IFIH1: variants seen among roughly 807,000 people sequenced by gnomAD.
The protein encoded by IFIH1 is interferon induced with helicase C domain 1, also known as interferon-induced helicase C domain-containing protein 1.
In IFIH1, 125 loss-of-function variants were observed where a neutral mutation model predicts 107.4. The observed-to-expected ratio is 1.16, with a 90% confidence interval of 1.01 to 1.35. IFIH1 has a LOEUF of 1.35. Among genes scored for constraint, IFIH1 ranks in the 40% most tolerant of loss-of-function variants. IFIH1 has a pLI of 0.00. For synonymous variants in IFIH1, 458 were observed against 413.2 expected (o/e 1.11, Z -1.31); for missense variants, 1,333 against 1,213.7 (o/e 1.10, Z -1.46).
intron 5 of IFIH1, among the ~76,000 whole-genome samples, chr2:162,286,683 G>T (rs181878289): frequency 1.4e-4 from 22 of 152,018 alleles, no homozygotes; most frequent in Admixed American, 9.8e-4. Flanking sequence ...TGCTCAAATG[G>T]TTTCAAAATT....
chr2:162,279,885 G>A lies in IFIH1; in HGVS notation c.1641+111C>T, dbSNP rs1682775071. ...TTAAAAAAAAACCTGAAACTTGTTT[G>A]CTAAAATTTTTAAATAATATTTTTC... On this transcript the variant is annotated intron_variant, in intron 8 of 15. Coordinates refer to ENST00000649979, the MANE Select transcript of IFIH1 (RefSeq NM_022168.4). The A allele has an allele frequency of 1.1e-5, 8 of 705,592 alleles. No homozygotes were observed. The South Asian group carries it at 1.3e-4, about 12-fold the overall frequency. The allele number at this position is 705,592 out of a possible 1,614,324, so 43.7% of individuals were successfully genotyped here. A position where few individuals can be genotyped will look rare whatever the true frequency, so the allele number is the denominator to read the frequency against.
chr2:162,303,994 T>C (rs756445350), intron 3 of IFIH1, among the ~76,000 whole-genome samples: 1 of 152,106 alleles, frequency 6.6e-6, no homozygotes, highest in Non-Finnish European at 1.5e-5. Flanking sequence ...TATTAAAACA[T>C]GAAAACTCCA....
At chr2:162,303,070 G>A (rs995901449) in intron 3 of IFIH1, among the ~76,000 whole-genome samples, 1 of 152,068 alleles carries the variant, frequency 6.6e-6, no homozygotes, top group African/African-American at 2.4e-5. Flanking sequence ...TACTACTGCT[G>A]GGCCGACACC....
intron 6 of IFIH1, 110 bp downstream of exon 6, chr2:162,282,256 G>T (rs1341754439): frequency 1.2e-5 from 8 of 670,432 alleles, no homozygotes; most frequent in Admixed American, 3.3e-5. Flanking sequence ...AAAACCATAA[G>T]CAATAAAAGA....
chr2:162,317,577 C>A (rs1202889292), intron 1 of IFIH1, among the ~76,000 whole-genome samples: 1 of 152,172 alleles, frequency 6.6e-6, no homozygotes, highest in Non-Finnish European at 1.5e-5. Flanking sequence ...GAAAATGATA[C>A]CAACTGCACA....
chr2:162,287,927 A>T (rs910288013), intron 5 of IFIH1, among the ~76,000 whole-genome samples: 3 of 151,982 alleles, frequency 2.0e-5, no homozygotes, highest in Non-Finnish European at 4.4e-5. Flanking sequence ...ATAATGTCCT[A>T]GTTTTATTGA....
At chr2:162,299,790 C>T (rs1381279611) in intron 3 of IFIH1, among the ~76,000 whole-genome samples, 1 of 152,172 alleles carries the variant, frequency 6.6e-6, no homozygotes, top group African/African-American at 2.4e-5. Flanking sequence ...AACTCGTTAA[C>T]TTTCACTGAT....
At chr2:162,302,403 C>T (rs1485200923) in intron 3 of IFIH1, among the ~76,000 whole-genome samples, 1 of 152,080 alleles carries the variant, frequency 6.6e-6, no homozygotes, top group Non-Finnish European at 1.5e-5. Flanking sequence ...ATCATATTTA[C>T]AGACTTTGTG....
chr2:162,267,460 C>A lies in IFIH1; in HGVS notation c.2898+19G>T, dbSNP rs369102839. 1.2e-6 allele frequency: 2 copies of A among 1,611,644 alleles called. No homozygotes were observed. Among genetic ancestry groups the A allele is most frequent in the African/African-American group, 1.3e-5 (1 of 74,866 alleles). On this transcript the variant is annotated intron_variant, in intron 15 of 15. Transcript: ENST00000649979. ...TCCTGTTGGCTAAAGTAAAATCTGG[C>A]CCACAGCAATTTACTCACCTGGCCA...
At chr2:162,269,928 TAA>T (rs1691002398) in intron 13 of IFIH1, among the ~76,000 whole-genome samples, 1 of 152,208 alleles carries the variant, frequency 6.6e-6, no homozygotes, top group African/African-American at 2.4e-5. Context: ...TATTTTTCCC[TAA>T]AAGTTTTAAT....
intron 1 of IFIH1, among the ~76,000 whole-genome samples, chr2:162,312,209 T>C (rs766919435): frequency 1.3e-5 from 2 of 152,190 alleles, no homozygotes; most frequent in African/African-American, 2.4e-5. Flanking sequence ...ACTAATTCAG[T>C]GTTAGAACTA....
At chr2:162,286,030 C>T (rs1298045605) in intron 5 of IFIH1, among the ~76,000 whole-genome samples, 1 of 151,938 alleles carries the variant, frequency 6.6e-6, no homozygotes, top group Non-Finnish European at 1.5e-5. Context: ...GTCTCCTACG[C>T]TCTGCACTGG....
rs1328237104 is a variant in IFIH1, at chr2:162,268,283, C to T, written c.2617-6G>A. 6.3e-7 allele frequency: 1 copy of T among 1,583,732 alleles called. No individual in the cohort carries two copies. Among genetic ancestry groups the T allele is most frequent in the African/African-American group, 1.4e-5 (1 of 74,048 alleles). ...TGCATCTGTAATTCCAAAATCTGGA[C>T]AGAGAAAGGAATAGTTAGTGGTTTC... On this transcript the variant is annotated splice_polypyrimidine_tract_variant and splice_region_variant and intron_variant, in intron 13 of 15. Transcript: ENST00000649979.
intron 3 of IFIH1, among the ~76,000 whole-genome samples, chr2:162,300,672 G>A (rs894009759): frequency 6.6e-6 from 1 of 152,114 alleles, no homozygotes; most frequent in South Asian, 2.1e-4. Flanking sequence ...AATAATTAAT[G>A]ATAACTAAGT....
rs889262310 is a variant in IFIH1, at chr2:162,278,225, G to A, written c.1745C>T (p.Ala582Val). The A allele has an allele frequency of 1.2e-6, 2 of 1,604,710 alleles. No individual in the cohort carries two copies. Among genetic ancestry groups the A allele is most frequent in the East Asian group, 2.2e-5 (1 of 44,584 alleles). The change falls in exon 9 of 16, where the codon GCC becomes GTC. Residue 582 changes from alanine to valine, a missense_variant. Ala to Val is a moderately conservative substitution (Grantham distance 64). Transcript: ENST00000649979. ...ATTACCTTTTTTTTCCATTTGAATGGCCCATTGTTCATAGGGTTGAGTTCC... is the reference window on the plus strand; with the variant it reads ...ATTACCTTTTTTTTCCATTTGAATGACCCATTGTTCATAGGGTTGAGTTCC... ...DFGTQPYEQW[A>V]IQMEKKAAKE...
intron 4 of IFIH1, 73 bp from the exon 5 acceptor site, chr2:162,288,428 C>T (rs1465810367): frequency 2.1e-5 from 23 of 1,074,630 alleles, no homozygotes; most frequent in Admixed American, 1.0e-4. Flanking sequence ...TGAAACTGAA[C>T]GTAGGCCTCT....
chr2:162,283,259 G>T (rs1682842387), intron 5 of IFIH1, among the ~76,000 whole-genome samples: 1 of 151,922 alleles, frequency 6.6e-6, no homozygotes, highest in Non-Finnish European at 1.5e-5. Context: ...TAGGAGAACA[G>T]ATGTGAAGTG....
intron 2 of IFIH1, among the ~76,000 whole-genome samples, chr2:162,309,197 C>G (rs927108728): frequency 1.3e-5 from 2 of 152,144 alleles, no homozygotes; most frequent in African/African-American, 4.8e-5. Flanking sequence ...CTCTGCCTTC[C>G]AGGTCCACGG....
At position 162,277,000 on chromosome 2, in the gene IFIH1, C is replaced by A. The variant is rs1235047996; in HGVS notation, c.2045-54G>T. 6 of 1,321,776 alleles carry A rather than the reference C, an allele frequency of 4.5e-6. No homozygotes were observed. In the Admixed American group the frequency reaches 1.3e-4, roughly 29 times the overall value. 81.9% of individuals were successfully genotyped at this position (1,321,776 alleles called of 1,614,324 possible). ...TAACAAGCTTGATTTAGCCACTCCACAATGTACAGATATATCAAACATTTT... is the reference window on the plus strand; with the variant it reads ...TAACAAGCTTGATTTAGCCACTCCAAAATGTACAGATATATCAAACATTTT... On this transcript the variant is annotated intron_variant, in intron 10 of 15. Coordinates refer to ENST00000649979, the MANE Select transcript of IFIH1 (RefSeq NM_022168.4).
Sources: gnomAD v4.1 joint callset for allele counts (sites outside exome capture counted in the v4.1 genomes callset) on GRCh38, gnomAD v4.1.1 for gene constraint, MANE v1.5 for transcripts, NCBI Gene and HGNC (gene_info 2026-07-23, HGNC 2026-07-21) for gene names.